The following CA10 variants were observed in gnomAD, a reference collection of about 807,000 sequenced individuals.
The protein encoded by CA10 is carbonic anhydrase-related protein 10.
In CA10, 14 loss-of-function variants were observed where a neutral mutation model predicts 44.2. The ratio of observed to expected loss-of-function variants is 0.32; its 90% confidence interval spans 0.21 to 0.50. The LOEUF (loss-of-function observed/expected upper bound fraction) is 0.50, where lower values mean the gene tolerates loss of function less well. Ranked by LOEUF, CA10 falls within the 20% of genes least tolerant of loss-of-function variation. CA10 has a pLI of 0.99. For missense variants in CA10, 350 were observed against 409.7 expected (o/e 0.85, Z 1.26); for synonymous variants, 159 against 141.6 (o/e 1.12, Z -0.87).
At chr17:51,855,442 A>G (rs975947928) in intron 3 of CA10, among the ~76,000 whole-genome samples, 1 of 152,218 alleles carries the variant, frequency 6.6e-6, no homozygotes, top group Non-Finnish European at 1.5e-5. Flanking sequence ...CTCAACTTCA[A>G]TGATGCTAAA....
intron 3 of CA10, among the ~76,000 whole-genome samples, chr17:51,866,227 G>A (rs1236215800): frequency 6.6e-6 from 1 of 152,158 alleles, no homozygotes; most frequent in African/African-American, 2.4e-5. Context: ...CAATGCCCCA[G>A]GAAGGTACTA....
chr17:51,807,083 G>A (rs1276339383), intron 3 of CA10, among the ~76,000 whole-genome samples: 1 of 152,200 alleles, frequency 6.6e-6, no homozygotes, highest in Non-Finnish European at 1.5e-5. Context: ...ATGCAAACCT[G>A]TGCCTTCTGC....
chr17:51,948,542 G>A (rs1179108478), intron 2 of CA10, among the ~76,000 whole-genome samples: 1 of 152,148 alleles, frequency 6.6e-6, no homozygotes, highest in East Asian at 1.9e-4. Context: ...GGTGGAGAAA[G>A]CCCTGCTATG....
chr17:52,063,760 G>A (rs1987456854), intron 2 of CA10, among the ~76,000 whole-genome samples: 1 of 152,084 alleles, frequency 6.6e-6, no homozygotes. Flanking sequence ...GTAGAATCAT[G>A]AGCCAAATGA....
At chr17:51,760,957 A>G (rs1365706506) in intron 3 of CA10, among the ~76,000 whole-genome samples, 1 of 152,204 alleles carries the variant, frequency 6.6e-6, no homozygotes, top group East Asian at 1.9e-4. Flanking sequence ...TTTAATATGT[A>G]TTTTATACTC....
intron 2 of CA10, among the ~76,000 whole-genome samples, chr17:52,067,379 A>G (rs1379133477): frequency 6.6e-6 from 1 of 152,244 alleles, no homozygotes; most frequent in Non-Finnish European, 1.5e-5. Flanking sequence ...CAAGAACTGA[A>G]GTTTAGGAAC....
intron 4 of CA10, among the ~76,000 whole-genome samples, chr17:51,696,381 G>C (rs537394254): frequency 6.6e-6 from 1 of 152,150 alleles, no homozygotes; most frequent in Non-Finnish European, 1.5e-5. Context: ...GTTTAATCTT[G>C]GGAGGTTGCG....
intron 4 of CA10, among the ~76,000 whole-genome samples, chr17:51,664,208 C>CA (rs1050730397): frequency 5.3e-5 from 8 of 151,010 alleles, no homozygotes; most frequent in South Asian, 2.1e-4. Context: ...ATCTCCTACG[C>CA]AAAAAAAAGC....
At chr17:51,647,391 C>T (rs971403370) in intron 6 of CA10, among the ~76,000 whole-genome samples, 1 of 152,264 alleles carries the variant, frequency 6.6e-6, no homozygotes, top group South Asian at 2.1e-4. Context: ...ATGTGGCTCC[C>T]CACACTTGGA....
intron 2 of CA10, among the ~76,000 whole-genome samples, chr17:51,936,384 G>C (rs560144074): frequency 6.6e-6 from 1 of 152,268 alleles, no homozygotes; most frequent in East Asian, 1.9e-4. Flanking sequence ...GCATGTATGG[G>C]AGAGAAAACC....
intron 3 of CA10, among the ~76,000 whole-genome samples, chr17:51,783,624 A>G (rs961074159): frequency 6.6e-6 from 1 of 152,224 alleles, no homozygotes; most frequent in Non-Finnish European, 1.5e-5. Context: ...AACTGAAAAG[A>G]AAGAAATAGA....
At chr17:51,633,721 G>A (rs539243826) in intron 7 of CA10, 71 bp from the exon 8 acceptor site, 6 of 1,536,736 alleles carry the variant, frequency 3.9e-6, no homozygotes, top group East Asian at 4.5e-5. Flanking sequence ...TAAGACCACA[G>A]AGACTCTGGC....
intron 3 of CA10, among the ~76,000 whole-genome samples, chr17:51,928,811 C>T (rs186435123): frequency 6.6e-6 from 1 of 152,262 alleles, no homozygotes; most frequent in East Asian, 1.9e-4. Flanking sequence ...CATTAAACAT[C>T]ACCTTCAAAA....
chr17:51,698,997 G>A (rs1915494188), intron 4 of CA10, among the ~76,000 whole-genome samples: 1 of 152,106 alleles, frequency 6.6e-6, no homozygotes, highest in East Asian at 1.9e-4. Flanking sequence ...CAGTGAACAC[G>A]AGAGTGCCAA....
intron 3 of CA10, among the ~76,000 whole-genome samples, chr17:51,753,038 C>A (rs1490606812): frequency 1.3e-5 from 2 of 152,142 alleles, no homozygotes. Flanking sequence ...AAAGTGGGAT[C>A]TTTTTCAGGA....
At chr17:51,759,637 T>G (rs762961760) in intron 3 of CA10, among the ~76,000 whole-genome samples, 7 of 152,020 alleles carry the variant, frequency 4.6e-5, no homozygotes, top group Non-Finnish European at 1.0e-4. Flanking sequence ...GAGCATCATC[T>G]GGGTACCTGG....
rs116672797 is a variant in CA10 at position 51,644,945 on chromosome 17, C to T, written c.634+4237G>A. ...TCCCAAGTAGCTGGAATTACAGGCG[C>T]GCGCCACAATCCCAGCTAATTTTTG... On this transcript the variant is annotated intron_variant, in intron 6 of 8. Coordinates refer to ENST00000451037, the MANE Select transcript of CA10 (RefSeq NM_020178.5). Among the ~76,000 whole-genome samples the T allele has an allele frequency of 4.0e-3, 601 of 151,828 alleles. 2 individuals are homozygous for T. The highest frequency in any genetic ancestry group is 0.014 in the African/African-American group (583 of 41,398).
intron 3 of CA10, among the ~76,000 whole-genome samples, chr17:51,835,130 G>A (rs535090959): frequency 6.2e-4 from 95 of 152,280 alleles, no homozygotes; most frequent in Non-Finnish European, 1.1e-3. Context: ...TCTTGCAACT[G>A]GACATCAGCT....
chr17:51,959,506 T>C (rs781738491), intron 2 of CA10, among the ~76,000 whole-genome samples: 1 of 151,694 alleles, frequency 6.6e-6, no homozygotes, highest in Non-Finnish European at 1.5e-5. Context: ...GAGGAGAAAG[T>C]GGTAGAGAAA....
Sources: gnomAD v4.1 joint callset for allele counts (sites outside exome capture counted in the v4.1 genomes callset) on GRCh38, gnomAD v4.1.1 for gene constraint, MANE v1.5 for transcripts, NCBI Gene and HGNC (gene_info 2026-07-23, HGNC 2026-07-21) for gene names.